The following RRAGB variants were observed in gnomAD, a reference collection of about 807,000 sequenced individuals.
RRAGB encodes ras-related GTP-binding protein B.
A neutral mutation model predicts 29.3 loss-of-function variants in RRAGB; 6 were observed. That is an observed-to-expected ratio of 0.21 (90% confidence interval 0.11 to 0.40). RRAGB has a LOEUF of 0.40. Ranked by LOEUF, RRAGB falls within the 10% of genes least tolerant of loss-of-function variation. RRAGB has a pLI of 1.00. For synonymous variants in RRAGB, 101 were observed against 92.5 expected, an observed-to-expected ratio of 1.09 and a Z score of -0.53; for missense variants, 184 against 272.9, an observed-to-expected ratio of 0.67 and a Z score of 2.29.
chrX:55,754,683 C>T (rs1295202471), intron 7 of RRAGB, among the ~76,000 whole-genome samples: 1 of 112,409 alleles, frequency 8.9e-6, no homozygotes, highest in Non-Finnish European at 1.9e-5. Context: ...ATTCCTTTTG[C>T]TACTATAGCA....
intron 5 of RRAGB, among the ~76,000 whole-genome samples, chrX:55,748,988 C>G: frequency 1.0e-5 from 1 of 98,524 alleles, no homozygotes; most frequent in Non-Finnish European, 2.1e-5. Flanking sequence ...GCCCGGCCGG[C>G]CGCCCCATCC....
intron 5 of RRAGB, among the ~76,000 whole-genome samples, chrX:55,750,083 A>G (rs2034474051): frequency 1.1e-5 from 1 of 88,262 alleles, no homozygotes; most frequent in Non-Finnish European, 2.2e-5. Context: ...AAAAAAGGTT[A>G]TTCTCTAGAA....
At chrX:55,745,200 G>GATAA (rs1362149566) in intron 5 of RRAGB, among the ~76,000 whole-genome samples, 1 of 112,123 alleles carries the variant, frequency 8.9e-6, no homozygotes, top group African/African-American at 3.2e-5. Flanking sequence ...CAATGTAATG[G>GATAA]ATCTGCCTAA....
chrX:55,730,975 G>C (rs1209203779), intron 4 of RRAGB, among the ~76,000 whole-genome samples: 3 of 110,366 alleles, frequency 2.7e-5, no homozygotes, highest in Admixed American at 9.7e-5. Context: ...GAGGTGGGGG[G>C]TAGCATCTGA....
In RRAGB at chrX:55,731,595, CAGA is replaced by C. The variant is rs778796319; in HGVS notation, c.516+15_516+17del. 1.7e-5 allele frequency: 19 copies of C among 1,114,464 alleles called. No individual in the cohort carries two copies. In the South Asian group the frequency reaches 3.3e-4, roughly 19 times the overall value. 91.8% of individuals were successfully genotyped at this position (1,114,464 alleles called of 1,213,427 possible). On this transcript the variant is annotated intron_variant, in intron 5 of 9. Coordinates refer to ENST00000374941, the MANE Select transcript of RRAGB (RefSeq NM_006064.5). ...AGGATCAACGGGACCTGGTAAGAAA[CAGA>C]AGAAGTGCTGCACCAAATGCTCGAC...
chrX:55,731,299 A>T (rs2058483975), intron 4 of RRAGB, 65 bp from the exon 5 acceptor site: 2 of 824,249 alleles, frequency 2.4e-6, no homozygotes, highest in African/African-American at 2.1e-5. Context: ...GCCAACAAAA[A>T]TAGGCTATAA....
intron 3 of RRAGB, among the ~76,000 whole-genome samples, chrX:55,729,060 A>G (rs1183171754): frequency 9.0e-6 from 1 of 110,991 alleles, no homozygotes; most frequent in African/African-American, 3.3e-5. Context: ...TCTAAGTATT[A>G]AACTACTAAA....
intron 5 of RRAGB, among the ~76,000 whole-genome samples, chrX:55,741,598 T>C (rs936162866): frequency 8.9e-6 from 1 of 111,802 alleles, no homozygotes; most frequent in Non-Finnish European, 1.9e-5. Context: ...TGTGTGTATC[T>C]TAGGGTTCTC....
At chrX:55,720,438 A>G (rs1165179101) in intron 2 of RRAGB, among the ~76,000 whole-genome samples, 1 of 112,334 alleles carries the variant, frequency 8.9e-6, no homozygotes, top group Non-Finnish European at 1.9e-5. Flanking sequence ...TTTAGATTAA[A>G]TCAAGTCTGA....
intron 5 of RRAGB, among the ~76,000 whole-genome samples, chrX:55,736,745 T>C (rs1415740260): frequency 8.9e-6 from 1 of 112,195 alleles, no homozygotes; most frequent in Non-Finnish European, 1.9e-5. Context: ...AAAGACTGTG[T>C]ATGAGCTCTT....
chrX:55,720,935 A>G (rs1162210953), intron 2 of RRAGB, among the ~76,000 whole-genome samples: 1 of 111,814 alleles, frequency 8.9e-6, no homozygotes, highest in Non-Finnish European at 1.9e-5. Flanking sequence ...TTGGAACTAT[A>G]TTTCATAAAT....
At chrX:55,750,048 TAAAAAAAAA>T (rs774847577) in intron 5 of RRAGB, among the ~76,000 whole-genome samples, 10 of 16,764 alleles carry the variant, frequency 6.0e-4, no homozygotes, top group African/African-American at 2.3e-3. Flanking sequence ...AATGATCAAT[TAAAAAAAAA>T]AAAAAAAAAA....
intron 5 of RRAGB, among the ~76,000 whole-genome samples, chrX:55,737,742 G>A (rs142456929): frequency 1.1e-3 from 124 of 112,683 alleles, no homozygotes; most frequent in African/African-American, 3.8e-3. Flanking sequence ...TGGTCTAGCC[G>A]CCTTGTGGGG....
intron 8 of RRAGB, among the ~76,000 whole-genome samples, chrX:55,756,201 G>A (rs2034654082): frequency 9.0e-6 from 1 of 111,578 alleles, no homozygotes; most frequent in Non-Finnish European, 1.9e-5. Context: ...GAAATAAATA[G>A]AATATCCAAG....
In RRAGB at chrX:55,751,088, CT is replaced by C; in HGVS notation, c.517-8del. The C allele has an allele frequency of 9.3e-7, 1 of 1,079,327 alleles. No individual in the cohort carries two copies. The highest frequency in any genetic ancestry group is 1.3e-6 in the Non-Finnish European group (1 of 778,679). The allele number at this position is 1,079,327 out of a possible 1,213,427, so 88.9% of individuals were successfully genotyped here. ...ATTATATGCTGATCAGTATGTTGGGCTTTTTAATTTAGATTTTTAAAGAGCG... is the reference window on the plus strand; with the variant it reads ...ATTATATGCTGATCAGTATGTTGGGCTTTTAATTTAGATTTTTAAAGAGCG... On this transcript the variant is annotated splice_polypyrimidine_tract_variant and intron_variant, in intron 5 of 9. Coordinates refer to ENST00000374941, the MANE Select transcript of RRAGB (RefSeq NM_006064.5).
At chrX:55,727,321 C>A in intron 3 of RRAGB, 1 of 1,141,724 alleles carries the variant, frequency 8.8e-7, no homozygotes, top group Non-Finnish European at 1.2e-6. Context: ...AGACCGTATA[C>A]ATAGTCTTCA....
chrX:55,728,823 AG>A (rs1339216337), intron 3 of RRAGB, among the ~76,000 whole-genome samples: 1 of 111,144 alleles, frequency 9.0e-6, no homozygotes, highest in Non-Finnish European at 1.9e-5. Flanking sequence ...GAATGTGGAT[AG>A]AGGAGTCAAA....
intron 3 of RRAGB, chrX:55,727,460 A>G: frequency 3.8e-6 from 2 of 519,640 alleles, no homozygotes; most frequent in Non-Finnish European, 3.5e-6. Context: ...AGCACCTACT[A>G]TGTGCCAGGC....
At chrX:55,719,064 A>G (rs1364803082) in intron 1 of RRAGB, among the ~76,000 whole-genome samples, 2 of 111,776 alleles carry the variant, frequency 1.8e-5, no homozygotes, top group African/African-American at 3.3e-5. Context: ...TTAATGGCTC[A>G]TTTGTATTCC....
Sources: allele counts gnomAD v4.1 joint callset (sites outside exome capture counted in the v4.1 genomes callset), GRCh38; gene constraint gnomAD v4.1.1; transcripts MANE v1.5; gene names NCBI Gene and HGNC (gene_info 2026-07-23, HGNC 2026-07-21).